NKAIN2: variants seen among roughly 807,000 people sequenced by gnomAD.
NKAIN2 encodes sodium/potassium transporting ATPase interacting 2.
NKAIN2 carries 14 observed loss-of-function variants against 32.6 expected under a neutral mutation model. That is an observed-to-expected ratio of 0.43 (90% CI 0.28 to 0.67). NKAIN2 has a LOEUF of 0.67. Ranked by LOEUF, NKAIN2 falls within the 30% of genes least tolerant of loss-of-function variation. The probability of loss-of-function intolerance (pLI) is 0.17; values close to 1 mark genes in which losing one functional copy is unlikely to be tolerated. For synonymous variants in NKAIN2, 80 were observed against 87.2 expected (o/e 0.92, Z 0.46); for missense variants, 198 against 258.3 (o/e 0.77, Z 1.60).
chr6:123,962,016 T>C (rs1051178500), intron 1 of NKAIN2, among the ~76,000 whole-genome samples: 8 of 152,218 alleles, frequency 5.3e-5, no homozygotes, highest in African/African-American at 1.7e-4. Flanking sequence ...GATGTTCATC[T>C]TGTTATTTTG....
intron 1 of NKAIN2, among the ~76,000 whole-genome samples, chr6:124,067,026 T>C (rs961675310): frequency 6.6e-6 from 1 of 152,080 alleles, no homozygotes; most frequent in Non-Finnish European, 1.5e-5. Context: ...ACATGTGAAA[T>C]GTGACAGAGG....
chr6:124,353,314 A>C (rs545651175), intron 2 of NKAIN2, among the ~76,000 whole-genome samples: 24 of 152,296 alleles, frequency 1.6e-4, no homozygotes, highest in African/African-American at 5.5e-4. Flanking sequence ...AAATTAGGAG[A>C]AACAAAGTTT....
chr6:124,248,364 A>T (rs1793524664), intron 1 of NKAIN2, among the ~76,000 whole-genome samples: 1 of 152,034 alleles, frequency 6.6e-6, no homozygotes, highest in African/African-American at 2.4e-5. Flanking sequence ...TCTACTGTTA[A>T]GTGGTTAATT....
At chr6:124,286,642 T>TTGTGTGTGTGTGTGTGTG (rs56396833) in intron 2 of NKAIN2, among the ~76,000 whole-genome samples, 1 of 144,488 alleles carries the variant, frequency 6.9e-6, no homozygotes, top group Non-Finnish European at 1.5e-5. Flanking sequence ...GTTTGGAAAA[T>TTGTGTGTGTGTGTGTGTG]TGTGTGTGTG....
chr6:124,026,772 C>T (rs887711064), intron 1 of NKAIN2, among the ~76,000 whole-genome samples: 5 of 152,104 alleles, frequency 3.3e-5, no homozygotes, highest in African/African-American at 9.7e-5. Flanking sequence ...AAAACAAAAC[C>T]GAAACCTGAC....
chr6:123,974,487 G>A (rs1778468320), intron 1 of NKAIN2, among the ~76,000 whole-genome samples: 1 of 152,148 alleles, frequency 6.6e-6, no homozygotes, highest in Non-Finnish European at 1.5e-5. Flanking sequence ...TAGAGACCAT[G>A]AAGTTTTCAA....
intron 1 of NKAIN2, among the ~76,000 whole-genome samples, chr6:124,158,805 A>G (rs1330356786): frequency 6.6e-6 from 1 of 151,934 alleles, no homozygotes; most frequent in African/African-American, 2.4e-5. Flanking sequence ...TTGTCACATT[A>G]TGTAGATCTA....
intron 1 of NKAIN2, among the ~76,000 whole-genome samples, chr6:124,154,458 T>C (rs988663096): frequency 1.3e-5 from 2 of 151,928 alleles, no homozygotes; most frequent in Admixed American, 6.6e-5. Context: ...TCACCTGATA[T>C]TAAGTTAAGT....
At chr6:123,875,613 C>T (rs1391088926) in intron 1 of NKAIN2, among the ~76,000 whole-genome samples, 4 of 151,876 alleles carry the variant, frequency 2.6e-5, no homozygotes, top group East Asian at 3.9e-4. Context: ...TTTTACAAAA[C>T]GTTATTGATA....
intron 1 of NKAIN2, among the ~76,000 whole-genome samples, chr6:123,844,272 C>T (rs1028446574): frequency 2.0e-5 from 3 of 152,132 alleles, no homozygotes; most frequent in South Asian, 2.1e-4. Context: ...GGGAACCAGA[C>T]GTACAGAGCA....
At chr6:124,479,797 G>A (rs1422214706) in intron 3 of NKAIN2, among the ~76,000 whole-genome samples, 1 of 151,286 alleles carries the variant, frequency 6.6e-6, no homozygotes, top group Non-Finnish European at 1.5e-5. Flanking sequence ...TTCAACTCAG[G>A]CATATAAAAG....
intron 3 of NKAIN2, among the ~76,000 whole-genome samples, chr6:124,412,723 CT>C (rs768172444): frequency 2.0e-5 from 3 of 152,218 alleles, no homozygotes; most frequent in Non-Finnish European, 4.4e-5. Flanking sequence ...ACATTTAAGT[CT>C]GCAGAGGTTA....
chr6:124,508,283 A>AACAAAAG (rs1327635854), intron 3 of NKAIN2, among the ~76,000 whole-genome samples: 4 of 151,912 alleles, frequency 2.6e-5, no homozygotes, highest in Non-Finnish European at 5.9e-5. Context: ...AAAAACAAAA[A>AACAAAAG]ACAAAAAACC....
intron 4 of NKAIN2, among the ~76,000 whole-genome samples, chr6:124,742,987 A>T (rs1432800181): frequency 6.6e-6 from 1 of 151,942 alleles, no homozygotes; most frequent in African/African-American, 2.4e-5. Context: ...ATTCACAAGG[A>T]CAATGATGTT....
chr6:124,306,236 G>T (rs984276856), intron 2 of NKAIN2, among the ~76,000 whole-genome samples: 1 of 152,120 alleles, frequency 6.6e-6, no homozygotes, highest in Non-Finnish European at 1.5e-5. Context: ...AAAAATAAAT[G>T]TCTGCTCCAT....
At chr6:124,204,199 A>C (rs1179007301) in intron 1 of NKAIN2, among the ~76,000 whole-genome samples, 1 of 151,930 alleles carries the variant, frequency 6.6e-6, no homozygotes, top group Admixed American at 6.6e-5. Flanking sequence ...TTGTATCAAG[A>C]TAAATGAGAC....
intron 3 of NKAIN2, among the ~76,000 whole-genome samples, chr6:124,364,853 A>G (rs565370275): frequency 1.3e-5 from 2 of 152,150 alleles, no homozygotes; most frequent in African/African-American, 4.8e-5. Context: ...AAACAATAGC[A>G]ATAAAATATT....
intron 3 of NKAIN2, among the ~76,000 whole-genome samples, chr6:124,533,256 T>C (rs1779591351): frequency 6.6e-6 from 1 of 151,866 alleles, no homozygotes; most frequent in Non-Finnish European, 1.5e-5. Context: ...AAATTCCTGC[T>C]GCTTGGAGAT....
chr6:124,116,230 T>A (rs1785601879), intron 1 of NKAIN2, among the ~76,000 whole-genome samples: 1 of 152,062 alleles, frequency 6.6e-6, no homozygotes, highest in East Asian at 1.9e-4. Flanking sequence ...ATACCATGTA[T>A]CCTAATTACT....
Sources: gnomAD v4.1 joint callset for allele counts (sites outside exome capture counted in the v4.1 genomes callset) on GRCh38, gnomAD v4.1.1 for gene constraint, MANE v1.5 for transcripts, NCBI Gene and HGNC (gene_info 2026-07-23, HGNC 2026-07-21) for gene names.